Variants in IFT80 observed in about 807,000 individuals in gnomAD.
The protein encoded by IFT80 is intraflagellar transport 80, also known as intraflagellar transport protein 80 homolog.
A neutral mutation model predicts 107.9 loss-of-function variants in IFT80; 79 were observed. That is an observed-to-expected ratio of 0.73 (90% CI 0.61 to 0.88). The LOEUF is 0.88. IFT80 is among the 40% of genes least tolerant of loss of function. The probability of loss-of-function intolerance (pLI) is 0.00; values close to 1 mark genes in which losing one functional copy is unlikely to be tolerated. For synonymous variants in IFT80, 299 were observed against 300.9 expected, an observed-to-expected ratio of 0.99 and a Z score of 0.07; for missense variants, 797 against 914.2, an observed-to-expected ratio of 0.87 and a Z score of 1.65.
chr3:160,285,497 T>C (rs555373034), intron 13 of IFT80, among the ~76,000 whole-genome samples: 4 of 152,308 alleles, frequency 2.6e-5, no homozygotes, highest in African/African-American at 9.6e-5. Flanking sequence ...TTTTATTTAC[T>C]GGTAAGTGCT....
chr3:160,366,279 G>A, intron 5 of IFT80, 127 bp from the exon 6 acceptor site: 3 of 697,896 alleles, frequency 4.3e-6, no homozygotes, highest in Non-Finnish European at 7.5e-6. Context: ...TCTTTTCAAT[G>A]GACCTTTCAA....
intron 8 of IFT80, among the ~76,000 whole-genome samples, chr3:160,348,026 G>A (rs1261764743): frequency 1.3e-5 from 2 of 152,068 alleles, no homozygotes; most frequent in African/African-American, 4.8e-5. Context: ...TATAAACAAA[G>A]CAGCTCATTT....
In IFT80 at chr3:160,397,889, T is replaced by G. The variant is rs986603467; in HGVS notation, c.-47+1257A>C. ...GGCATGCGCCACCATGCCCTGCTAA[T>G]TTTTTATTTTTAGTAGAGACGGGGT... is the stretch of plus-strand genomic sequence containing the variant. On this transcript the variant is annotated intron_variant, in intron 1 of 19. Transcript: ENST00000326448. Among the ~76,000 whole-genome samples, 108 of 152,166 alleles carry G rather than the reference T, an allele frequency of 7.1e-4. 1 individual carries two copies. Among genetic ancestry groups the G allele is most frequent in the Non-Finnish European group, 1.6e-4 (11 of 67,990 alleles).
chr3:160,311,601 T>A (rs1717256052), intron 9 of IFT80, among the ~76,000 whole-genome samples: 1 of 152,180 alleles, frequency 6.6e-6, no homozygotes, highest in Non-Finnish European at 1.5e-5. Flanking sequence ...AGTAGTCTGA[T>A]GACAAGTTTC....
chr3:160,324,870 T>C (rs1169147565), intron 8 of IFT80, among the ~76,000 whole-genome samples: 1 of 151,940 alleles, frequency 6.6e-6, no homozygotes, highest in African/African-American at 2.4e-5. Context: ...TGACTGTATA[T>C]CTAGAAAACC....
intron 12 of IFT80, among the ~76,000 whole-genome samples, chr3:160,300,478 T>C (rs1033109944): frequency 6.6e-6 from 1 of 152,114 alleles, no homozygotes; most frequent in Admixed American, 6.6e-5. Context: ...TTTAAAAATA[T>C]AAACAAATTA....
chr3:160,331,926 G>C (rs1470288528), intron 8 of IFT80, among the ~76,000 whole-genome samples: 1 of 152,036 alleles, frequency 6.6e-6, no homozygotes, highest in East Asian at 1.9e-4. Context: ...CAAAGTGCTG[G>C]GATTACAGGC....
intron 12 of IFT80, among the ~76,000 whole-genome samples, chr3:160,298,079 C>G (rs914100126): frequency 5.9e-5 from 9 of 152,126 alleles, no homozygotes; most frequent in African/African-American, 2.2e-4. Flanking sequence ...AATAGCAGCT[C>G]TAGTACTTAA....
intron 1 of IFT80, among the ~76,000 whole-genome samples, chr3:160,391,860 C>T (rs62272207): frequency 0.12 from 18,777 of 152,100 alleles, 1,904 homozygotes; most frequent in African/African-American, 0.28. Flanking sequence ...ATAGTTGCAT[C>T]GTATTTAAAT....
Position 160,375,822 on chromosome 3 carries a change from T to G in IFT80, c.429A>C (p.Leu143Phe). 1 of 1,611,006 alleles carries G rather than the reference T, an allele frequency of 6.2e-7. No homozygotes were observed. The highest frequency in any genetic ancestry group is 8.5e-7 in the Non-Finnish European group (1 of 1,177,732). ...WSKTGMLRST[L>F]AQQGTPVYSV... ...AATTGTAAAACATACCTTGCTGAGC[T>G]AAAGTTGATCTAAGCATCCCAGTCT... The change falls in exon 5 of 20, where the codon TTA (leucine) becomes TTC (phenylalanine). Residue 143 changes from leucine (L) to phenylalanine (F), a missense_variant. Coordinates refer to ENST00000326448, the MANE Select transcript of IFT80 (RefSeq NM_020800.3).
intron 7 of IFT80, among the ~76,000 whole-genome samples, chr3:160,356,840 A>T (rs926411408): frequency 2.6e-5 from 4 of 151,894 alleles, no homozygotes; most frequent in Non-Finnish European, 4.4e-5. Flanking sequence ...TTTTGCTTAA[A>T]TTTTTTCTCC....
In IFT80 at chr3:160,258,185, A is replaced by G. The variant is rs1218090313; in HGVS notation, c.*340T>C. Reference sequence around the variant, plus strand: ...GAAATTAATGGTAACATACATTTCAAAGAGTCCAATGTTTTATTATCGACA... The same window carrying G: ...GAAATTAATGGTAACATACATTTCAGAGAGTCCAATGTTTTATTATCGACA... On this transcript the variant is annotated 3_prime_UTR_variant, in exon 20 of 20. Transcript: ENST00000326448. 1 of 264,154 alleles carries G rather than the reference A, an allele frequency of 3.8e-6. No individual in the cohort carries two copies. Among genetic ancestry groups the G allele is most frequent in the Non-Finnish European group, 7.2e-6 (1 of 138,008 alleles). 16.4% of individuals were successfully genotyped at this position (264,154 alleles called of 1,614,324 possible).
At chr3:160,397,514 T>C (rs2108429818) in intron 1 of IFT80, among the ~76,000 whole-genome samples, 1 of 152,346 alleles carries the variant, frequency 6.6e-6, no homozygotes, top group Admixed American at 6.5e-5. Context: ...GAGCATGTGC[T>C]AGATGAACAA....
intron 10 of IFT80, among the ~76,000 whole-genome samples, chr3:160,306,994 T>A (rs1034208758): frequency 3.9e-5 from 6 of 152,136 alleles, no homozygotes; most frequent in African/African-American, 2.4e-5. Flanking sequence ...AGGACAAAAT[T>A]TTTAAAAAAT....
Position 160,319,928 on chromosome 3 carries a change from T to C in IFT80, c.789A>G (p.Ala263=). 1 of 1,611,044 alleles carries C rather than the reference T, an allele frequency of 6.2e-7. No individual in the cohort carries two copies. Among genetic ancestry groups the C allele is most frequent in the Non-Finnish European group, 8.5e-7 (1 of 1,178,964 alleles). Residue 263 remains alanine, a synonymous_variant, in exon 9 of 20, where the codon GCA becomes GCG. Transcript: ENST00000326448. Reference sequence around the variant, plus strand: ...TGCTGCCAGTGTTGGGTTTTTCTAATGCATATGACCACTGGGGGAGAAAAA... The same window carrying C: ...TGCTGCCAGTGTTGGGTTTTTCTAACGCATATGACCACTGGGGGAGAAAAA... ...RLCDKTGWSY[A]LEKPNTGSIF...
Position 160,296,935 on chromosome 3 carries a change from C to T in IFT80, c.1315+3948G>A, listed in dbSNP as rs1257277446. ...TCCTCATTCTTCTTTGCTAGCTCCT[C>T]CTTATCTGACAACCCTTGATCTTAA... On this transcript the variant is annotated intron_variant, in intron 12 of 19. Transcript: ENST00000326448. 5.9e-5 allele frequency among the ~76,000 whole-genome samples: 9 copies of T among 152,248 alleles called. No homozygotes were observed. The South Asian group carries it at 1.9e-3, about 32-fold the overall frequency.
chr3:160,391,851 T>C (rs902413253), intron 1 of IFT80, among the ~76,000 whole-genome samples: 1 of 152,202 alleles, frequency 6.6e-6, no homozygotes, highest in Non-Finnish European at 1.5e-5. Context: ...TGATAGAGAA[T>C]AGTTGCATCG....
chr3:160,373,331 A>G (rs1711693657), intron 5 of IFT80, among the ~76,000 whole-genome samples: 1 of 152,176 alleles, frequency 6.6e-6, no homozygotes, highest in African/African-American at 2.4e-5. Flanking sequence ...AGCCTTTCCA[A>G]GTCTGGAGAC....
chr3:160,313,668 G>A (rs1190942516), intron 9 of IFT80, among the ~76,000 whole-genome samples: 1 of 149,472 alleles, frequency 6.7e-6, no homozygotes, highest in Non-Finnish European at 1.5e-5. Context: ...GGAGTGCAGT[G>A]GCGTGATCTC....
Sources: gnomAD v4.1 joint callset for allele counts (sites outside exome capture counted in the v4.1 genomes callset) on GRCh38, gnomAD v4.1.1 for gene constraint, MANE v1.5 for transcripts, NCBI Gene and HGNC (gene_info 2026-07-23, HGNC 2026-07-21) for gene names.